Variants in CSMD1 observed in about 807,000 individuals in gnomAD.
CSMD1 encodes CUB and Sushi multiple domains 1.
A neutral mutation model predicts 417.5 loss-of-function variants in CSMD1; 213 were observed. That is an observed-to-expected ratio of 0.51 (90% CI 0.46 to 0.57). The LOEUF is 0.57. CSMD1 is among the 20% of genes least tolerant of loss of function. The pLI, the probability that CSMD1 is intolerant of heterozygous loss-of-function variation, is 0.00. For missense variants in CSMD1, 6,923 were observed against 4,529.7 expected (o/e 1.53, Z -15.17); for synonymous variants, 2,862 against 1,736.8 (o/e 1.65, Z -16.11).
intron 12 of CSMD1, among the ~76,000 whole-genome samples, chr8:3,444,494 C>A (rs1004361939): frequency 6.6e-6 from 1 of 152,034 alleles, no homozygotes; most frequent in Admixed American, 6.6e-5. Flanking sequence ...CTTTTGCTAC[C>A]ATCTTCTCTC....
At chr8:4,678,592 G>T (rs546387793) in intron 1 of CSMD1, among the ~76,000 whole-genome samples, 82 of 152,050 alleles carry the variant, frequency 5.4e-4, no homozygotes, top group Non-Finnish European at 2.1e-4. Context: ...ATTAAGTGAA[G>T]AAATAAATTA....
intron 5 of CSMD1, among the ~76,000 whole-genome samples, chr8:3,940,689 A>T (rs1044472837): frequency 6.6e-6 from 1 of 151,916 alleles, no homozygotes; most frequent in Non-Finnish European, 1.5e-5. Context: ...TAACATACCT[A>T]CATTGCTTTT....
rs533586048 is a variant in CSMD1, at chr8:3,205,470, T to C, written c.4984+34A>G. ...GAAAAATTAACACTGAAAGGAAATA[T>C]GACAATGAATTAAAAATACAAGGAC... On this transcript the variant is annotated intron_variant, in intron 31 of 69. Coordinates refer to ENST00000635120, the MANE Select transcript of CSMD1 (RefSeq NM_033225.6). 16 of 1,048,008 alleles carry C rather than the reference T, an allele frequency of 1.5e-5. No individual in the cohort carries two copies. In the South Asian group the frequency reaches 2.1e-4, roughly 14 times the overall value. The allele number at this position is 1,048,008 out of a possible 1,614,324, so 64.9% of individuals were successfully genotyped here. A position where few individuals can be genotyped will look rare whatever the true frequency, so the allele number is the denominator to read the frequency against.
intron 8 of CSMD1, among the ~76,000 whole-genome samples, chr8:3,613,974 T>A (rs1329272277): frequency 3.3e-5 from 5 of 151,772 alleles, no homozygotes; most frequent in Non-Finnish European, 5.9e-5. Flanking sequence ...AAATTAAAAA[T>A]CCTTTTATTT....
At position 3,880,525 on chromosome 8, in the gene CSMD1, G is replaced by T. The variant is rs558451520; in HGVS notation, c.818+117378C>A. Among the ~76,000 whole-genome samples the T allele has an allele frequency of 3.3e-5, 5 of 152,176 alleles. No homozygotes were observed. The East Asian group carries it at 9.7e-4, about 29-fold the overall frequency. On this transcript the variant is annotated intron_variant, in intron 5 of 69. Transcript: ENST00000635120. ...ATAAAATTTGATTTTCTAAAGCCAC[G>T]TAGTTTATTTTACTAAGTGCTTCTC...
At chr8:3,429,434 T>A (rs1008667369) in intron 12 of CSMD1, among the ~76,000 whole-genome samples, 2 of 152,096 alleles carry the variant, frequency 1.3e-5, no homozygotes, top group Non-Finnish European at 2.9e-5. Flanking sequence ...CCAAGGGAAA[T>A]GGAAGCCATG....
At chr8:4,840,373 G>T (rs901647862) in intron 1 of CSMD1, among the ~76,000 whole-genome samples, 3 of 152,166 alleles carry the variant, frequency 2.0e-5, no homozygotes, top group Non-Finnish European at 4.4e-5. Flanking sequence ...GAAACTAGCC[G>T]ATTACTTGCT....
At chr8:4,942,450 T>A (rs932172725) in intron 1 of CSMD1, among the ~76,000 whole-genome samples, 1 of 152,208 alleles carries the variant, frequency 6.6e-6, no homozygotes, top group Non-Finnish European at 1.5e-5. Flanking sequence ...CCAACCATCA[T>A]GACAAAGACA....
rs372706232 is a variant in CSMD1, at chr8:3,315,356, G to C, written c.3632-6853C>G. Among the ~76,000 whole-genome samples, 111 of 151,592 alleles carry C rather than the reference G, an allele frequency of 7.3e-4. 2 individuals carry two copies. The highest frequency in any genetic ancestry group is 2.6e-3 in the African/African-American group (105 of 41,024). ...TAATAATGAATTTCCTGAAATGTGT[G>C]ATTATTTCCTGAAATGTGTGATTGT... On this transcript the variant is annotated intron_variant, in intron 23 of 69. Coordinates refer to ENST00000635120, the MANE Select transcript of CSMD1 (RefSeq NM_033225.6).
intron 6 of CSMD1, among the ~76,000 whole-genome samples, chr8:3,722,293 G>C (rs927392020): frequency 6.6e-6 from 1 of 152,184 alleles, no homozygotes; most frequent in Non-Finnish European, 1.5e-5. Context: ...GGGCGACAGA[G>C]TGAGACTCCA....
intron 10 of CSMD1, among the ~76,000 whole-genome samples, chr8:3,496,112 T>C (rs1050870094): frequency 9.2e-5 from 14 of 152,306 alleles, no homozygotes; most frequent in African/African-American, 2.6e-4. Flanking sequence ...CCTGTGTTCA[T>C]GTGTTCTCAT....
rs141148415 is a variant in CSMD1 at position 4,903,224 on chromosome 8, A to G, written c.85+91108T>C. ...TTAAAACAGTGCTTCTCTCTGACCA[A>G]CCCTGCACTTACAGCCAGACTTAGT... On this transcript the variant is annotated intron_variant, in intron 1 of 69. Transcript: ENST00000635120. 6.1e-3 allele frequency among the ~76,000 whole-genome samples: 927 copies of G among 152,182 alleles called. 12 individuals carry two copies. Among genetic ancestry groups the G allele is most frequent in the African/African-American group, 0.021 (882 of 41,548 alleles).
intron 51 of CSMD1, among the ~76,000 whole-genome samples, chr8:3,020,787 T>A (rs1809304118): frequency 6.6e-6 from 1 of 152,146 alleles, no homozygotes; most frequent in African/African-American, 2.4e-5. Context: ...CGAGAGTCCA[T>A]CACGACCAGC....
At chr8:3,665,898 G>C (rs535558949) in intron 7 of CSMD1, among the ~76,000 whole-genome samples, 1 of 152,104 alleles carries the variant, frequency 6.6e-6, no homozygotes, top group African/African-American at 2.4e-5. Context: ...GTTTTTTTGA[G>C]ATGGAGTCGC....
At chr8:4,174,071 TATGATCCA>T (rs2131148340) in intron 3 of CSMD1, among the ~76,000 whole-genome samples, 1 of 152,254 alleles carries the variant, frequency 6.6e-6, no homozygotes, top group South Asian at 2.1e-4. Flanking sequence ...CCTGCCTGCT[TATGATCCA>T]ATCAACATCA....
At chr8:3,887,159 G>C (rs1325878492) in intron 5 of CSMD1, among the ~76,000 whole-genome samples, 1 of 152,152 alleles carries the variant, frequency 6.6e-6, no homozygotes, top group Non-Finnish European at 1.5e-5. Context: ...GGCATGCGTA[G>C]AGGGTATTCC....
intron 3 of CSMD1, among the ~76,000 whole-genome samples, chr8:4,285,460 G>C (rs1180439639): frequency 6.6e-6 from 1 of 152,138 alleles, no homozygotes; most frequent in Non-Finnish European, 1.5e-5. Flanking sequence ...TCAGAATTAT[G>C]AAATAATACA....
Position 4,009,710 on chromosome 8 carries a change from T to C in CSMD1, c.611-11600A>G, listed in dbSNP as rs577166160. Among the ~76,000 whole-genome samples, 27 of 152,130 alleles carry C rather than the reference T, an allele frequency of 1.8e-4. No homozygotes were observed. In the East Asian group the frequency reaches 1.9e-3, roughly 11 times the overall value. ...TGAGGAAGGAAGGGCCACAAAGAGT[T>C]GGTGGTCAGGATGTACCTACCTCCA... is the stretch of plus-strand genomic sequence containing the variant. On this transcript the variant is annotated intron_variant, in intron 4 of 69. Transcript: ENST00000635120.
chr8:4,547,738 G>C (rs1362327024), intron 2 of CSMD1, among the ~76,000 whole-genome samples: 2 of 152,180 alleles, frequency 1.3e-5, no homozygotes, highest in African/African-American at 2.4e-5. Context: ...AGATGATTCT[G>C]ATACAAGGAA....
Sources: allele counts gnomAD v4.1 joint callset (sites outside exome capture counted in the v4.1 genomes callset), GRCh38; gene constraint gnomAD v4.1.1; transcripts MANE v1.5; gene names NCBI Gene and HGNC (gene_info 2026-07-23, HGNC 2026-07-21).